The following LARP4B variants were observed in gnomAD, a reference collection of about 807,000 sequenced individuals.
LARP4B encodes la-related protein 4B.
Under a neutral mutation model 89.8 loss-of-function variants are expected in LARP4B, and 12 were observed. The observed-to-expected ratio is 0.13, with a 90% confidence interval of 0.09 to 0.22. LARP4B has a LOEUF of 0.22. Among genes scored for constraint, LARP4B ranks in the 10% least tolerant of loss-of-function variants. The pLI is 1.00. For missense variants in LARP4B, 757 were observed against 947.7 expected (o/e 0.80, Z 2.64); for synonymous variants, 367 against 363.3 (o/e 1.01, Z -0.12).
intron 1 of LARP4B, among the ~76,000 whole-genome samples, chr10:907,407 TTTGAG>T (rs1275156557): frequency 3.3e-5 from 5 of 152,302 alleles, no homozygotes; most frequent in East Asian, 1.9e-4. Flanking sequence ...GCAAAATTAC[TTTGAG>T]TTAATTTTCA....
intron 11 of LARP4B, 123 bp from the exon 12 acceptor site, chr10:825,993 G>A: frequency 3.0e-6 from 2 of 669,060 alleles, no homozygotes; most frequent in Non-Finnish European, 5.2e-6. Flanking sequence ...GACCCATGCT[G>A]AGACATGTAT....
At chr10:945,449 G>A in the LARP4B span, among the ~76,000 whole-genome samples, 17 of 151,640 alleles carry the variant, frequency 1.1e-4, no homozygotes, top group African/African-American at 4.1e-4. Context: ...CACTTTGGGA[G>A]GCCAAGGCGG....
intron 9 of LARP4B, 115 bp downstream of exon 9, chr10:830,752 A>T (rs1832861279): frequency 1.6e-6 from 1 of 608,244 alleles, no homozygotes; most frequent in Non-Finnish European, 3.0e-6. Flanking sequence ...TCTGCAGATT[A>T]TATTCAAACT....
intron 3 of LARP4B, among the ~76,000 whole-genome samples, chr10:875,187 G>A (rs192110772): frequency 2.2e-4 from 34 of 152,306 alleles, no homozygotes; most frequent in African/African-American, 7.7e-4. Context: ...AGAAGCTCAC[G>A]AGATCACCTG....
chr10:833,249 T>TAAAAAAAAAA (rs56788542), intron 8 of LARP4B, among the ~76,000 whole-genome samples: 18 of 52,036 alleles, frequency 3.5e-4, no homozygotes, highest in South Asian at 1.5e-3. Context: ...TGATGAGCTT[T>TAAAAAAAAAA]AAAAAAAAAA....
At chr10:930,547 A>G (rs968504088) in intron 1 of LARP4B, among the ~76,000 whole-genome samples, 1 of 152,174 alleles carries the variant, frequency 6.6e-6, no homozygotes, top group Non-Finnish European at 1.5e-5. Context: ...GCAAAATTAC[A>G]TTCGCATGAA....
intron 3 of LARP4B, among the ~76,000 whole-genome samples, chr10:872,306 T>C (rs1012663967): frequency 1.3e-5 from 2 of 152,180 alleles, no homozygotes; most frequent in Non-Finnish European, 2.9e-5. Flanking sequence ...ACCCAGCGTG[T>C]CCCAAGGCGA....
At chr10:847,611 C>T (rs1166980410) in intron 5 of LARP4B, among the ~76,000 whole-genome samples, 1 of 151,980 alleles carries the variant, frequency 6.6e-6, no homozygotes, top group African/African-American at 2.4e-5. Flanking sequence ...ACTGCAACCT[C>T]CACCTCCCGG....
chr10:909,914 C>T (rs1836620902), intron 1 of LARP4B, among the ~76,000 whole-genome samples: 1 of 151,884 alleles, frequency 6.6e-6, no homozygotes, highest in South Asian at 2.1e-4. Context: ...ATTACAATTA[C>T]AGGCCAGTTA....
upstream of LARP4B, among the ~76,000 whole-genome samples, chr10:932,160 C>T (rs898745956): frequency 6.6e-6 from 1 of 151,910 alleles, no homozygotes. Flanking sequence ...TCCCCAGACC[C>T]TGGACCAAGG....
At chr10:930,237 G>C (rs1048504016) in intron 1 of LARP4B, among the ~76,000 whole-genome samples, 1 of 152,144 alleles carries the variant, frequency 6.6e-6, no homozygotes, top group Non-Finnish European at 1.5e-5. Context: ...ACTTTCGAAA[G>C]GGAAAATAAC....
intron 1 of LARP4B, among the ~76,000 whole-genome samples, chr10:908,698 G>A (rs1297641993): frequency 1.3e-5 from 2 of 152,210 alleles, no homozygotes; most frequent in African/African-American, 2.4e-5. Flanking sequence ...TTGTTGTGAC[G>A]CGAAAGCAGG....
chr10:893,571 T>TA (rs1359482214), intron 1 of LARP4B, among the ~76,000 whole-genome samples: 13 of 152,212 alleles, frequency 8.5e-5, no homozygotes, highest in Non-Finnish European at 1.6e-4. Flanking sequence ...ATGCTGTACT[T>TA]AGCTGTCCTT....
At chr10:947,627 GT>G in the LARP4B span, among the ~76,000 whole-genome samples, 1 of 152,086 alleles carries the variant, frequency 6.6e-6, no homozygotes, top group African/African-American at 2.4e-5. Context: ...TTTTTGTTTT[GT>G]TTTGTTTTTT....
At chr10:841,455 G>A (rs1287422411) in intron 7 of LARP4B, among the ~76,000 whole-genome samples, 1 of 152,210 alleles carries the variant, frequency 6.6e-6, no homozygotes, top group African/African-American at 2.4e-5. Context: ...GCCCTGGATC[G>A]CCTATGGGCA....
At chr10:983,925 T>A in the LARP4B span, among the ~76,000 whole-genome samples, 1 of 152,356 alleles carries the variant, frequency 6.6e-6, no homozygotes, top group South Asian at 2.1e-4. Context: ...GGAAATAATA[T>A]GTTTTTAATT....
At chr10:849,330 C>A (rs1009076366) in intron 5 of LARP4B, among the ~76,000 whole-genome samples, 1 of 152,062 alleles carries the variant, frequency 6.6e-6, no homozygotes, top group East Asian at 1.9e-4. Context: ...CAAAACAAAA[C>A]AAAATAACCA....
At chr10:831,483 C>T (rs1479082648) in intron 8 of LARP4B, among the ~76,000 whole-genome samples, 1 of 152,168 alleles carries the variant, frequency 6.6e-6, no homozygotes, top group Admixed American at 6.5e-5. Flanking sequence ...GGGAGTTGGC[C>T]TTCAGTGCCT....
At chr10:949,155 CG>C in the LARP4B span, among the ~76,000 whole-genome samples, 187 of 150,930 alleles carry the variant, frequency 1.2e-3, 1 homozygote, top group Non-Finnish European at 1.7e-3. Context: ...ATTTCCCAGG[CG>C]GCTCTACCAT....
Sources: allele counts gnomAD v4.1 joint callset (sites outside exome capture counted in the v4.1 genomes callset), GRCh38; gene constraint gnomAD v4.1.1; transcripts MANE v1.5; gene names NCBI Gene and HGNC (gene_info 2026-07-23, HGNC 2026-07-21).